Variants in USP35 observed in about 807,000 individuals in gnomAD.
USP35 encodes ubiquitin carboxyl-terminal hydrolase 35.
A neutral mutation model predicts 83.8 loss-of-function variants in USP35; 69 were observed. The ratio of observed to expected loss-of-function variants is 0.82; its 90% CI spans 0.68 to 1.01. The LOEUF is 1.01. USP35 is among the 50% of genes least tolerant of loss of function. USP35 has a pLI of 0.00. For synonymous variants in USP35, 714 were observed against 589.5 expected (o/e 1.21, Z -3.06); for missense variants, 1,503 against 1,362.5 (o/e 1.10, Z -1.62).
At chr11:78,223,470 G>T in the USP35 span, 3 of 1,598,546 alleles carry the variant, frequency 1.9e-6, no homozygotes, top group Non-Finnish European at 2.6e-6. Context: ...CACTTCCTCT[G>T]CTGGGGCCTC....
chr11:78,198,502 C>A, intron 3 of USP35: 1 of 571,538 alleles, frequency 1.7e-6, no homozygotes, highest in Non-Finnish European at 2.2e-6. Context: ...CCCACCTCAT[C>A]TGAACGTCCT....
At chr11:78,213,045 TTGTGTTTTG>T (rs1565405627) in intron 10 of USP35, among the ~76,000 whole-genome samples, 1 of 152,050 alleles carries the variant, frequency 6.6e-6, no homozygotes, top group Non-Finnish European at 1.5e-5. Context: ...TGCCTGGAGT[TTGTGTTTTG>T]TGCGGGGGAA....
chr11:78,214,234 A>AGAGAGGCGGGGGGGGG lies in USP35; in HGVS notation c.*422_*423insAGAGGCGGGGGGGGGG, dbSNP rs1275222810. ...ACAGCAGGATCCAAGCCTTGCACAAAGGGGTGGGGGGGGCAGTGTCTCCTC... is the reference window on the plus strand; with the variant it reads ...ACAGCAGGATCCAAGCCTTGCACAAAGAGAGGCGGGGGGGGGGGGGTGGGGGGGGCAGTGTCTCCTC... On this transcript the variant is annotated 3_prime_UTR_variant, in exon 11 of 11. Transcript: ENST00000529308. 6.2e-5 allele frequency: 6 copies of AGAGAGGCGGGGGGGGG among 96,198 alleles called. No individual in the cohort carries two copies. The highest frequency in any genetic ancestry group is 2.5e-4 in the African/African-American group (5 of 19,654). The allele number at this position is 96,198 out of a possible 1,614,324, so 6.0% of individuals were successfully genotyped here. A position where few individuals can be genotyped will look rare whatever the true frequency, so the allele number is the denominator to read the frequency against.
chr11:78,211,697 A>G (rs1221777326), intron 10 of USP35, among the ~76,000 whole-genome samples: 1 of 152,216 alleles, frequency 6.6e-6, no homozygotes, highest in Non-Finnish European at 1.5e-5. Context: ...TCTAATGGTC[A>G]GTGATGTTGA....
intron 10 of USP35, among the ~76,000 whole-genome samples, chr11:78,211,482 C>T (rs574278004): frequency 6.6e-6 from 1 of 152,202 alleles, no homozygotes; most frequent in South Asian, 2.1e-4. Context: ...AATGGGATTG[C>T]TGGGTCAAAT....
intron 1 of USP35, among the ~76,000 whole-genome samples, chr11:78,195,714 A>T (rs781141275): frequency 2.0e-5 from 3 of 152,184 alleles, no homozygotes; most frequent in Non-Finnish European, 4.4e-5. Flanking sequence ...AAAGGCGCTT[A>T]GCAACCATAG....
the USP35 span, chr11:78,223,477 C>A: frequency 6.2e-7 from 1 of 1,601,042 alleles, no homozygotes; most frequent in South Asian, 1.1e-5. Flanking sequence ...TCTGCTGGGG[C>A]CTCGGTGCAC....
chr11:78,219,254 T>C, downstream of USP35: 1 of 1,611,494 alleles, frequency 6.2e-7, no homozygotes, highest in Non-Finnish European at 8.5e-7. Flanking sequence ...CCTCCTGGGC[T>C]CTGCGGTGGC....
chr11:78,220,565 T>C, the USP35 span: 10 of 734,360 alleles, frequency 1.4e-5, no homozygotes, highest in Non-Finnish European at 2.1e-5. Flanking sequence ...ACATGCACCA[T>C]GCTAAGGACT....
the USP35 span, among the ~76,000 whole-genome samples, chr11:78,224,899 C>A: frequency 5.3e-5 from 8 of 152,034 alleles, no homozygotes; most frequent in Admixed American, 1.3e-4. Context: ...TCCAGTCTAC[C>A]TTAGCACATA....
At chr11:78,212,808 A>AT (rs1565405442) in intron 10 of USP35, among the ~76,000 whole-genome samples, 1 of 152,136 alleles carries the variant, frequency 6.6e-6, no homozygotes, top group South Asian at 2.1e-4. Flanking sequence ...AGATAATGAC[A>AT]TGATTCTGTA....
chr11:78,198,103 G>T lies in USP35; in HGVS notation c.806+35G>T. ...TGAGGCTGAGCCATGATCAGGGCTG[G>T]GGCCCCTCCCTCTCTTCCTCTCAGA... On this transcript the variant is annotated intron_variant, in intron 3 of 10. Coordinates refer to ENST00000529308, the MANE Select transcript of USP35 (RefSeq NM_020798.4). 3 of 1,612,858 alleles carry T rather than the reference G, an allele frequency of 1.9e-6. No individual in the cohort carries two copies. The South Asian group carries it at 3.3e-5, about 18-fold the overall frequency.
In USP35 at chr11:78,200,800, G is replaced by T; in HGVS notation, c.1189G>T (p.Ala397Ser). The T allele has an allele frequency of 6.2e-7, 1 of 1,605,826 alleles. No individual in the cohort carries two copies. Among genetic ancestry groups the T allele is most frequent in the Non-Finnish European group, 8.5e-7 (1 of 1,174,276 alleles). The change falls in exon 6 of 11, where the codon GCC (alanine) becomes TCC (serine). Residue 397 changes from alanine to serine, a missense_variant. By Grantham distance (99) the Ala-to-Ser change is moderately conservative. Coordinates refer to ENST00000529308, the MANE Select transcript of USP35 (RefSeq NM_020798.4). ...FPDLYEPVME[A>S]IKDLHVPNED... ...GGATCTGTATGAGCCTGTCATGGAG[G>T]CCATCAAGGTGAGCGACAGTCCCCT...
chr11:78,227,791 C>T, the USP35 span, among the ~76,000 whole-genome samples: 2 of 152,042 alleles, frequency 1.3e-5, no homozygotes, highest in African/African-American at 4.8e-5. Context: ...CAGAATGAGA[C>T]CCTGTTTCAA....
chr11:78,207,455 T>C (rs1382257097), intron 7 of USP35, 75 bp from the exon 8 acceptor site: 13 of 1,466,940 alleles, frequency 8.9e-6, no homozygotes, highest in Non-Finnish European at 1.1e-5. Context: ...GGCTCTGGGC[T>C]GCCTGTGACA....
Position 78,210,579 on chromosome 11 carries a change from C to A in USP35, c.2724C>A (p.Asn908Lys). The A allele has an allele frequency of 6.2e-7, 1 of 1,613,770 alleles. No homozygotes were observed. Among genetic ancestry groups the A allele is most frequent in the Non-Finnish European group, 8.5e-7 (1 of 1,179,660 alleles). Residue 908 changes from asparagine (N) to lysine (K), a missense_variant, in exon 10 of 11, where the codon AAC becomes AAA. Physicochemically the swap from Asn to Lys is moderately conservative, Grantham distance 94. Coordinates refer to ENST00000529308, the MANE Select transcript of USP35 (RefSeq NM_020798.4). The stretch of plus-strand genomic sequence containing the variant: ...TCTCTTCCTTCGAATCTGTCAGCAA[C>A]GTCACCTCCTTCTTCCCTAAGGACA... The part of the protein sequence containing the change: ...VSFSSFESVS[N>K]VTSFFPKDTA...
At chr11:78,209,074 A>G in intron 9 of USP35, 111 bp downstream of exon 9, 1 of 1,111,892 alleles carries the variant, frequency 9.0e-7, no homozygotes, top group Non-Finnish European at 1.3e-6. Context: ...GCTGCCTCCA[A>G]CATGTGGAGG....
At chr11:78,203,199 C>G (rs1309227282) in intron 6 of USP35, among the ~76,000 whole-genome samples, 1 of 152,076 alleles carries the variant, frequency 6.6e-6, no homozygotes, top group East Asian at 1.9e-4. Context: ...CTTCTCAACC[C>G]CGCGCCTTGA....
chr11:78,233,958 GA>G, the USP35 span, among the ~76,000 whole-genome samples: 1 of 152,110 alleles, frequency 6.6e-6, no homozygotes, highest in African/African-American at 2.4e-5. Context: ...TTTTAATTTT[GA>G]TAAAGACTAC....
Sources: gnomAD v4.1 joint callset for allele counts (sites outside exome capture counted in the v4.1 genomes callset) on GRCh38, gnomAD v4.1.1 for gene constraint, MANE v1.5 for transcripts, NCBI Gene and HGNC (gene_info 2026-07-23, HGNC 2026-07-21) for gene names.